The following LIM2 variants were observed in gnomAD, a reference collection of about 807,000 sequenced individuals.
The protein encoded by LIM2 is lens fiber membrane intrinsic protein.
A neutral mutation model predicts 19.0 loss-of-function variants in LIM2; 14 were observed. That is an observed-to-expected ratio of 0.74 (90% CI 0.49 to 1.15). The LOEUF (loss-of-function observed/expected upper bound fraction) is 1.15. LIM2 is among the 50% of genes most tolerant of loss of function. The pLI is 0.00. For missense variants in LIM2, 230 were observed against 243.5 expected (o/e 0.94, Z 0.37); for synonymous variants, 78 against 89.6 (o/e 0.87, Z 0.73).
At chr19:51,386,204 G>A (rs1343344081) in intron 2 of LIM2, among the ~76,000 whole-genome samples, 3 of 151,130 alleles carry the variant, frequency 2.0e-5, no homozygotes, top group Non-Finnish European at 4.4e-5. Context: ...GCCCACTGCA[G>A]TCTCCGCCTC....
chr19:51,387,511 G>T, intron 1 of LIM2, 62 bp from the exon 2 acceptor site: 7 of 1,605,382 alleles, frequency 4.4e-6, no homozygotes, highest in South Asian at 3.3e-5. Flanking sequence ...GGGAGGAACT[G>T]GGGGGAGAGA....
At chr19:51,385,293 G>C (rs921954308) in intron 2 of LIM2, among the ~76,000 whole-genome samples, 1 of 152,130 alleles carries the variant, frequency 6.6e-6, no homozygotes, top group South Asian at 2.1e-4. Context: ...AGGCCGAGGC[G>C]GGTGGATCAC....
chr19:51,387,255 G>A lies in LIM2; in HGVS notation c.175+14C>T. On this transcript the variant is annotated intron_variant, in intron 2 of 4. Transcript: ENST00000596399. ...TTCCCCAGGCGCGGCCTGGACCCTG[G>A]CCGGGGGGCTCACCGATGCTGTCTG... 6.2e-7 allele frequency: 1 copy of A among 1,614,184 alleles called. No individual in the cohort carries two copies. Among genetic ancestry groups the A allele is most frequent in the Non-Finnish European group, 8.5e-7 (1 of 1,180,048 alleles).
In LIM2 at chr19:51,382,429, A is replaced by G. The variant is rs759710014; in HGVS notation, c.314T>C (p.Phe105Ser). 2 of 1,613,832 alleles carry G rather than the reference A, an allele frequency of 1.2e-6. No homozygotes were observed. The highest frequency in any genetic ancestry group is 8.5e-7 in the Non-Finnish European group (1 of 1,180,016). The stretch of plus-strand genomic sequence containing the variant: ...GTGGGCTTACTCACTTGAGGAAAAA[A>G]ACATGATGCCAGCAGAGAAGGGCCG... ...ISRPFSAGIMFFSSTLFVVLA... is the reference protein window; with the variant it reads ...ISRPFSAGIMSFSSTLFVVLA... Residue 105 changes from phenylalanine (F) to serine (S), a missense_variant, in exon 3 of 5, where the codon TTT (phenylalanine) becomes TCT (serine). By Grantham distance (155) the Phe-to-Ser change is radical. Coordinates refer to ENST00000596399, the MANE Select transcript of LIM2 (RefSeq NM_001161748.2).
At chr19:51,387,739 C>T (rs1452676068) in intron 1 of LIM2, among the ~76,000 whole-genome samples, 180 bp downstream of exon 1, 2 of 151,946 alleles carry the variant, frequency 1.3e-5, no homozygotes, top group African/African-American at 4.8e-5. Context: ...AGGCTGGAGG[C>T]CTAGCTTCCT....
intron 2 of LIM2, among the ~76,000 whole-genome samples, chr19:51,383,255 A>C (rs1986949383): frequency 6.6e-6 from 1 of 152,006 alleles, no homozygotes; most frequent in Non-Finnish European, 1.5e-5. Flanking sequence ...GGCTGGTCTC[A>C]AACTCCTGGC....
Position 51,380,628 on chromosome 19 carries a change from C to T in LIM2, c.337G>A (p.Val113Met), listed in dbSNP as rs73934370. Residue 113 changes from valine (V) to methionine (M), a missense_variant, in exon 4 of 5, where the codon GTG becomes ATG. Transcript: ENST00000596399. Reference protein sequence around the residue: ...IMFFSSTLFVVLALAIYTGVT... With the variant: ...IMFFSSTLFVMLALAIYTGVT... ...CCAGTGTAGATGGCCAAGGCCAACA[C>T]GACGAAAAGGGCTGGGGAGAGAGGG... The T allele has an allele frequency of 1.4e-3, 2,272 of 1,613,538 alleles. 39 individuals carry two copies. The African/African-American group carries it at 0.027, about 19-fold the overall frequency.
In LIM2 at chr19:51,385,521, G is replaced by C. The variant is rs142235281; in HGVS notation, c.175+1748C>G. On this transcript the variant is annotated intron_variant, in intron 2 of 4. Transcript: ENST00000596399. ...GGGGTGACAGAGCGAGACTCTGTCTGAAACAAAACAAAACAAAACAAAAAC... is the reference window on the plus strand; with the variant it reads ...GGGGTGACAGAGCGAGACTCTGTCTCAAACAAAACAAAACAAAACAAAAAC... 4.4e-3 allele frequency among the ~76,000 whole-genome samples: 670 copies of C among 152,066 alleles called. 4 individuals carry two copies. The highest frequency in any genetic ancestry group is 0.015 in the African/African-American group (604 of 41,510).
At chr19:51,386,984 T>C (rs1015658697) in intron 2 of LIM2, among the ~76,000 whole-genome samples, 1 of 152,162 alleles carries the variant, frequency 6.6e-6, no homozygotes, top group Non-Finnish European at 1.5e-5. Context: ...ATTTAGAAAA[T>C]GCTGTTTCGT....
chr19:51,387,530 G>A (rs1174885107), intron 1 of LIM2, 81 bp from the exon 2 acceptor site: 3 of 1,588,030 alleles, frequency 1.9e-6, no homozygotes, highest in Admixed American at 3.5e-5. Flanking sequence ...GAGGGCTCAG[G>A]AGTGGGATGC....
intron 3 of LIM2, among the ~76,000 whole-genome samples, chr19:51,381,362 A>G (rs1450428895): frequency 1.3e-5 from 2 of 152,162 alleles, no homozygotes; most frequent in Admixed American, 6.6e-5. Context: ...AAGACCGACC[A>G]TGATATGTTG....
chr19:51,387,512 G>C (rs140613192), intron 1 of LIM2, 63 bp from the exon 2 acceptor site: 11 of 1,604,568 alleles, frequency 6.9e-6, no homozygotes, highest in East Asian at 2.2e-5. Flanking sequence ...GGAGGAACTG[G>C]GGGGAGAGAG....
chr19:51,380,303 C>G (rs768386487), intron 4 of LIM2, 41 bp from the exon 5 acceptor site: 20 of 1,608,184 alleles, frequency 1.2e-5, no homozygotes, highest in East Asian at 6.7e-5. Context: ...TCAAACCTCC[C>G]CCAGCTCCAT....
intron 2 of LIM2, among the ~76,000 whole-genome samples, chr19:51,384,894 GC>G (rs2123671085): frequency 6.6e-6 from 1 of 152,142 alleles, no homozygotes; most frequent in Admixed American, 6.5e-5. Context: ...ACAGGGTCTT[GC>G]TCTGTCACCC....
rs150296172 is a variant in LIM2 at position 51,386,553 on chromosome 19, TTAGA to T, written c.175+712_175+715del. Among the ~76,000 whole-genome samples the T allele has an allele frequency of 5.6e-3, 830 of 148,482 alleles. 8 individuals are homozygous for T. The highest frequency in any genetic ancestry group is 0.019 in the African/African-American group (786 of 40,868). ...ATAATGTCATGACATATACTATTTA[TTAGA>T]TAATGAATGTGTAATATAATGGATT... On this transcript the variant is annotated intron_variant, in intron 2 of 4. Transcript: ENST00000596399.
chr19:51,386,970 A>G (rs1484011163), intron 2 of LIM2, among the ~76,000 whole-genome samples: 2 of 152,222 alleles, frequency 1.3e-5, no homozygotes, highest in African/African-American at 4.8e-5. Context: ...GGTCCATAGT[A>G]CATATTTAGA....
At chr19:51,386,808 A>G (rs1291860033) in intron 2 of LIM2, among the ~76,000 whole-genome samples, 3 of 151,714 alleles carry the variant, frequency 2.0e-5, no homozygotes, top group African/African-American at 7.3e-5. Flanking sequence ...AACTTAATAT[A>G]TTATAGATGC....
chr19:51,380,254 A>T lies in LIM2; in HGVS notation c.469T>A (p.Tyr157Asn), dbSNP rs2123662217. 1 of 1,613,626 alleles carries T rather than the reference A, an allele frequency of 6.2e-7. No individual in the cohort carries two copies. The highest frequency in any genetic ancestry group is 8.5e-7 in the Non-Finnish European group (1 of 1,179,814). The change falls in exon 5 of 5, where the codon TAC becomes AAC. Residue 157 changes from tyrosine (Y) to asparagine (N), a missense_variant. Transcript: ENST00000596399. ...TCATGCACCCGGTAGGCGCACATGT[A>T]GAAAATCCCTGCATGAGAAGAAGTT... ...VLMTFFAGIF[Y>N]MCAYRVHECR...
chr19:51,380,087 G>A lies in LIM2; in HGVS notation c.*114C>T, dbSNP rs1986851713. ...CCTCCCCCCACAAACCCACAGTCCA[G>A]AACTGAGCCCCCTCATTCCCCTAGG... On this transcript the variant is annotated 3_prime_UTR_variant, in exon 5 of 5. Transcript: ENST00000596399. The A allele has an allele frequency of 9.9e-7, 1 of 1,010,714 alleles. No homozygotes were observed. 62.6% of individuals were successfully genotyped at this position (1,010,714 alleles called of 1,614,324 possible).
Sources: gnomAD v4.1 joint callset for allele counts (sites outside exome capture counted in the v4.1 genomes callset) on GRCh38, gnomAD v4.1.1 for gene constraint, MANE v1.5 for transcripts, NCBI Gene and HGNC (gene_info 2026-07-23, HGNC 2026-07-21) for gene names.